Variants in CSMD3 observed in about 807,000 individuals in gnomAD.
CSMD3 encodes CUB and Sushi multiple domains 3.
CSMD3 carries 177 observed loss-of-function variants against 435.2 expected under a neutral mutation model. The observed-to-expected ratio is 0.41, with a 90% confidence interval of 0.36 to 0.46. The LOEUF is 0.46. Among genes scored for constraint, CSMD3 ranks in the 20% least tolerant of loss-of-function variants. CSMD3 has a pLI of 0.34. For missense variants in CSMD3, 4,265 were observed against 4,504.6 expected (o/e 0.95, Z 1.52); for synonymous variants, 1,656 against 1,520.5 (o/e 1.09, Z -2.07).
In CSMD3 at chr8:112,265,553, T is replaced by C; in HGVS notation, c.9546A>G (p.Gly3182=). The change falls in exon 60 of 71, where the codon GGA becomes GGG. Residue 3182 remains glycine, a synonymous_variant. Coordinates refer to ENST00000297405, the MANE Select transcript of CSMD3 (RefSeq NM_198123.2). Reference sequence around the variant, plus strand: ...CCACATAATCATCTCCATATCTCAGTCCATTGGCTGGTATACCTGGGTCTC... The same window carrying C: ...CCACATAATCATCTCCATATCTCAGCCCATTGGCTGGTATACCTGGGTCTC... The part of the protein sequence containing the change: ...SCGDPGIPAN[G]LRYGDDYVVG... 7 of 1,613,560 alleles carry C rather than the reference T, an allele frequency of 4.3e-6. No individual in the cohort carries two copies. Among genetic ancestry groups the C allele is most frequent in the Non-Finnish European group, 5.9e-6 (7 of 1,179,586 alleles).
intron 24 of CSMD3, among the ~76,000 whole-genome samples, chr8:112,567,086 G>A (rs188520864): frequency 5.9e-5 from 9 of 152,088 alleles, no homozygotes; most frequent in Non-Finnish European, 7.4e-5. Context: ...GATGAACCCC[G>A]GTTATTTGCT....
intron 50 of CSMD3, among the ~76,000 whole-genome samples, chr8:112,308,364 A>T (rs1821641559): frequency 6.6e-6 from 1 of 152,120 alleles, no homozygotes; most frequent in Admixed American, 6.6e-5. Flanking sequence ...AAAGAGATGT[A>T]GTTAAATAGT....
At chr8:112,740,204 A>T (rs2077273040) in intron 13 of CSMD3, among the ~76,000 whole-genome samples, 1 of 151,834 alleles carries the variant, frequency 6.6e-6, no homozygotes, top group Non-Finnish European at 1.5e-5. Context: ...AAAATTTTAA[A>T]ATATTTATTT....
At chr8:112,663,633 T>C (rs765963747) in intron 17 of CSMD3, among the ~76,000 whole-genome samples, 1 of 150,258 alleles carries the variant, frequency 6.7e-6, no homozygotes, top group Non-Finnish European at 1.5e-5. Flanking sequence ...ACTTAAAGTA[T>C]AATAAAAAAA....
rs376090109 is a variant in CSMD3, at chr8:112,492,650, T to C, written c.5117A>G (p.Asn1706Ser). The change falls in exon 31 of 71, where the codon AAT becomes AGT. Residue 1706 changes from asparagine to serine, a missense_variant. Physicochemically the swap from Asn to Ser is conservative, Grantham distance 46. Coordinates refer to ENST00000297405, the MANE Select transcript of CSMD3 (RefSeq NM_198123.2). ...TCCAAGTCTGGTGCCATTCATTATA[T>C]TGCCTGGATCAAAGCAGGACTCTCG... The part of the protein sequence containing the change: ...KLRESCFDPG[N>S]IMNGTRLGMD... The C allele has an allele frequency of 1.2e-6, 2 of 1,613,844 alleles. No homozygotes were observed. Among genetic ancestry groups the C allele is most frequent in the African/African-American group, 2.7e-5 (2 of 74,924 alleles).
At chr8:112,339,994 T>C (rs1452396800) in intron 42 of CSMD3, among the ~76,000 whole-genome samples, 1 of 152,198 alleles carries the variant, frequency 6.6e-6, no homozygotes, top group Non-Finnish European at 1.5e-5. Context: ...GAATTGTTTT[T>C]CAAGGATATA....
intron 13 of CSMD3, among the ~76,000 whole-genome samples, chr8:112,781,190 C>A (rs1214819062): frequency 6.6e-6 from 1 of 152,026 alleles, no homozygotes; most frequent in East Asian, 1.9e-4. Context: ...AGAAGGAAAG[C>A]ACTTCTCTGA....
chr8:113,278,590 AC>A lies in CSMD3; in HGVS notation c.514+1del. On this transcript the variant is annotated splice_donor_variant, in intron 3 of 70. Transcript: ENST00000297405. LOFTEE classifies it high-confidence loss of function. ...GGTTTGTTTGCCACTACCATCACTT[AC>A]CTTCGTAATATACCTTAAATCCATG... 1.4e-6 allele frequency: 2 copies of A among 1,423,902 alleles called. No individual in the cohort carries two copies. The highest frequency in any genetic ancestry group is 2.0e-6 in the Non-Finnish European group (2 of 1,007,062). 88.2% of individuals were successfully genotyped at this position (1,423,902 alleles called of 1,614,324 possible).
rs146624454 is a variant in CSMD3, at chr8:112,296,044, A to T, written c.8441-38T>A. 54 of 1,480,256 alleles carry T rather than the reference A, an allele frequency of 3.6e-5. No homozygotes were observed. In the African/African-American group the frequency reaches 7.0e-4, roughly 19 times the overall value. 91.7% of individuals were successfully genotyped at this position (1,480,256 alleles called of 1,614,324 possible). ...ATAAAGTAATATTTTTAATACTGTGATTTGTTTTATTTGTATATTTATATA... is the reference window on the plus strand; with the variant it reads ...ATAAAGTAATATTTTTAATACTGTGTTTTGTTTTATTTGTATATTTATATA... On this transcript the variant is annotated intron_variant, in intron 53 of 70. Coordinates refer to ENST00000297405, the MANE Select transcript of CSMD3 (RefSeq NM_198123.2).
chr8:113,008,716 T>C (rs2086148210), intron 6 of CSMD3, among the ~76,000 whole-genome samples: 1 of 151,682 alleles, frequency 6.6e-6, no homozygotes, highest in African/African-American at 2.4e-5. Context: ...TATATATTGA[T>C]ACTAAAATCT....
chr8:113,238,548 C>A (rs183354507), intron 3 of CSMD3, among the ~76,000 whole-genome samples: 19 of 152,240 alleles, frequency 1.2e-4, no homozygotes, highest in African/African-American at 3.9e-4. Flanking sequence ...AAGTCTTCAG[C>A]TTCAGCAAAA....
chr8:112,355,020 G>A (rs946951428), intron 38 of CSMD3, among the ~76,000 whole-genome samples: 1 of 152,154 alleles, frequency 6.6e-6, no homozygotes, highest in Admixed American at 6.5e-5. Flanking sequence ...GATGGATGGA[G>A]TGGAATAGAG....
chr8:112,315,685 T>C (rs984533628), intron 47 of CSMD3, among the ~76,000 whole-genome samples: 2 of 151,824 alleles, frequency 1.3e-5, no homozygotes, highest in Non-Finnish European at 3.0e-5. Context: ...GACTGGACTA[T>C]CTTTTGGGTG....
Position 113,102,403 on chromosome 8 carries a change from A to G in CSMD3, c.710-3440T>C, listed in dbSNP as rs569426308. ...TTGAGATCTTCCAAGTGCCAGGAGG[A>G]AACCATGTAATCTCTCTGACTATAA... On this transcript the variant is annotated intron_variant, in intron 4 of 70. Transcript: ENST00000297405. Among the ~76,000 whole-genome samples the G allele has an allele frequency of 1.7e-3, 252 of 152,254 alleles. 1 individual carries two copies. The highest frequency in any genetic ancestry group is 5.6e-3 in the African/African-American group (233 of 41,562).
intron 8 of CSMD3, among the ~76,000 whole-genome samples, chr8:112,948,784 T>A (rs1362592137): frequency 1.3e-5 from 2 of 151,998 alleles, no homozygotes. Context: ...ATGCTTGTTG[T>A]CCTCCACTGT....
chr8:112,511,249 G>C (rs1414973742), intron 28 of CSMD3, among the ~76,000 whole-genome samples: 1 of 152,080 alleles, frequency 6.6e-6, no homozygotes, highest in Non-Finnish European at 1.5e-5. Flanking sequence ...CTAAAAAAAT[G>C]CTAATGGTCA....
At chr8:112,470,607 T>C (rs1818424532) in intron 32 of CSMD3, among the ~76,000 whole-genome samples, 2 of 152,052 alleles carry the variant, frequency 1.3e-5, no homozygotes, top group Admixed American at 1.3e-4. Context: ...AAGCATGAAG[T>C]ATGTTAGACA....
At chr8:112,451,899 T>C (rs148162130) in intron 32 of CSMD3, among the ~76,000 whole-genome samples, 1 of 152,228 alleles carries the variant, frequency 6.6e-6, no homozygotes, top group African/African-American at 2.4e-5. Context: ...AGATATTTAT[T>C]ATTTAGATTT....
At chr8:112,370,023 G>GGAA (rs71309767) in intron 38 of CSMD3, among the ~76,000 whole-genome samples, 1,494 of 66,396 alleles carry the variant, frequency 0.023, 53 homozygotes, top group African/African-American at 0.046. Context: ...AAGAAGAAGA[G>GGAA]GAAGAAGAAG....
Sources: gnomAD v4.1 joint callset for allele counts (sites outside exome capture counted in the v4.1 genomes callset) on GRCh38, gnomAD v4.1.1 for gene constraint, MANE v1.5 for transcripts, NCBI Gene and HGNC (gene_info 2026-07-23, HGNC 2026-07-21) for gene names.